The following TOPBP1 variants were observed in gnomAD, a reference collection of about 807,000 sequenced individuals.
The protein encoded by TOPBP1 is DNA topoisomerase II binding protein 1.
TOPBP1 carries 28 observed loss-of-function variants against 167.7 expected under a neutral mutation model. That is an observed-to-expected ratio of 0.17 (90% CI 0.12 to 0.23). The LOEUF is 0.23. Among genes scored for constraint, TOPBP1 ranks in the 10% least tolerant of loss-of-function variants. TOPBP1 has a pLI of 1.00. For missense variants in TOPBP1, 1,554 were observed against 1,809.6 expected (o/e 0.86, Z 2.56); for synonymous variants, 598 against 611.4 (o/e 0.98, Z 0.32).
chr3:133,608,340 C>T (rs561414897), intron 27 of TOPBP1, among the ~76,000 whole-genome samples, 195 bp downstream of exon 27: 1 of 152,102 alleles, frequency 6.6e-6, no homozygotes, highest in East Asian at 1.9e-4. Context: ...AACTTCCAAG[C>T]TAAATGTTTA....
intron 27 of TOPBP1, among the ~76,000 whole-genome samples, chr3:133,602,887 T>A (rs1411133408): frequency 1.3e-5 from 2 of 149,878 alleles, no homozygotes; most frequent in Non-Finnish European, 3.0e-5. Flanking sequence ...GATCTACCTT[T>A]TTTCATTTTT....
rs763969565 is a variant in TOPBP1 at position 133,649,537 on chromosome 3, C to T, written c.1350G>A (p.Val450=). Residue 450 remains valine (V), a synonymous_variant, in exon 10 of 28, where the codon GTG becomes GTA. Transcript: ENST00000260810. The part of the protein sequence containing the change: ...EPYIHANYQP[V]EIPVSHKPES... ...CAGGCTTATGTGAAACTGGAATTTCCACTGGCTGGTAATTAGCATGGATAT... is the reference window on the plus strand; with the variant it reads ...CAGGCTTATGTGAAACTGGAATTTCTACTGGCTGGTAATTAGCATGGATAT... 1.2e-5 allele frequency: 20 copies of T among 1,613,768 alleles called. No homozygotes were observed. Among genetic ancestry groups the T allele is most frequent in the Non-Finnish European group, 1.6e-5 (19 of 1,179,862 alleles).
intron 27 of TOPBP1, among the ~76,000 whole-genome samples, chr3:133,607,365 C>A (rs992850232): frequency 6.6e-6 from 1 of 151,738 alleles, no homozygotes; most frequent in Admixed American, 6.6e-5. Context: ...ACCAAGATGA[C>A]AAACAGCTAC....
At chr3:133,631,920 G>A (rs961546589) in intron 14 of TOPBP1, among the ~76,000 whole-genome samples, 3 of 151,958 alleles carry the variant, frequency 2.0e-5, no homozygotes, top group African/African-American at 4.8e-5. Context: ...TTACAGGCGT[G>A]AGCCACTGCG....
intron 21 of TOPBP1, 174 bp downstream of exon 21, chr3:133,618,039 C>T: frequency 1.7e-6 from 1 of 592,990 alleles, no homozygotes; most frequent in Non-Finnish European, 2.9e-6. Context: ...TGATGAAGTA[C>T]CTCAATTTAC....
chr3:133,623,055 A>C (rs1935146672), intron 19 of TOPBP1, 36 bp downstream of exon 19: 1 of 1,372,508 alleles, frequency 7.3e-7, no homozygotes, highest in Non-Finnish European at 9.7e-7. Context: ...CTTGTCTCAA[A>C]AAAAATTTTT....
intron 7 of TOPBP1, among the ~76,000 whole-genome samples, chr3:133,652,915 T>G (rs1936352301): frequency 6.6e-6 from 1 of 152,188 alleles, no homozygotes; most frequent in Non-Finnish European, 1.5e-5. Context: ...AAGCTTACAT[T>G]TGAAAAAATA....
intron 27 of TOPBP1, among the ~76,000 whole-genome samples, chr3:133,602,726 T>C (rs531723433): frequency 5.9e-5 from 9 of 152,242 alleles, no homozygotes; most frequent in African/African-American, 1.9e-4. Flanking sequence ...AAAGCAGCCA[T>C]AGAAAATACA....
intron 8 of TOPBP1, 132 bp downstream of exon 8, chr3:133,652,331 C>T: frequency 1.2e-6 from 1 of 853,534 alleles, no homozygotes; most frequent in Non-Finnish European, 1.8e-6. Context: ...CTAGTAAGTG[C>T]ATCTACTTAG....
At chr3:133,643,053 G>T in intron 12 of TOPBP1, 147 bp downstream of exon 12, 1 of 646,350 alleles carries the variant, frequency 1.5e-6, no homozygotes, top group Non-Finnish European at 2.3e-6. Context: ...CTAGTCAAGT[G>T]AAGCAGTGGG....
chr3:133,616,996 G>C, intron 22 of TOPBP1, 71 bp from the exon 23 acceptor site: 1 of 1,246,980 alleles, frequency 8.0e-7, no homozygotes, highest in Non-Finnish European at 1.1e-6. Flanking sequence ...TTTTATAGTG[G>C]TATTTTACTC....
intron 14 of TOPBP1, among the ~76,000 whole-genome samples, chr3:133,631,330 G>C (rs1272430176): frequency 6.6e-6 from 1 of 152,122 alleles, no homozygotes; most frequent in Admixed American, 6.5e-5. Flanking sequence ...CCTATTTGTG[G>C]AGTATAATCT....
chr3:133,617,218 G>A lies in TOPBP1; in HGVS notation c.3701C>T (p.Ala1234Val). 6.2e-7 allele frequency: 1 copy of A among 1,613,854 alleles called. No individual in the cohort carries two copies. Among genetic ancestry groups the A allele is most frequent in the Non-Finnish European group, 8.5e-7 (1 of 1,179,830 alleles). The part of the protein sequence containing the change: ...KDSHLIPTPQ[A>V]PSIAFPLANP... ...GGCGAGTGGAAAGGCAATACTGGGGGCTTGAGGCGTAGGGATCAGGTGGCT... is the reference window on the plus strand; with the variant it reads ...GGCGAGTGGAAAGGCAATACTGGGGACTTGAGGCGTAGGGATCAGGTGGCT... Residue 1234 changes from alanine to valine, a missense_variant, in exon 22 of 28, where the codon GCC (alanine) becomes GTC (valine). By Grantham distance (64) the Ala-to-Val change is moderately conservative. This residue lies in a region of TOPBP1 where 351 missense variants were observed against 432.9 expected (regional missense o/e 0.81). Coordinates refer to ENST00000260810, the MANE Select transcript of TOPBP1 (RefSeq NM_007027.4).
At chr3:133,612,295 C>T in intron 24 of TOPBP1, 94 bp downstream of exon 24, 2 of 1,470,592 alleles carry the variant, frequency 1.4e-6, no homozygotes, top group Non-Finnish European at 9.3e-7. Context: ...CCACCTCGGC[C>T]TCCCAAAGTG....
chr3:133,611,195 C>G (rs1447448761), intron 24 of TOPBP1, 54 bp from the exon 25 acceptor site: 31 of 1,564,664 alleles, frequency 2.0e-5, no homozygotes, highest in Non-Finnish European at 1.8e-5. Context: ...AGCCACTGTG[C>G]AACATACAGG....
chr3:133,660,508 T>C (rs990143545), intron 2 of TOPBP1, among the ~76,000 whole-genome samples: 4 of 152,206 alleles, frequency 2.6e-5, no homozygotes, highest in African/African-American at 9.7e-5. Context: ...TTCTCAAACT[T>C]TAATGCACAC....
At chr3:133,613,705 T>A (rs1197337313) in intron 23 of TOPBP1, among the ~76,000 whole-genome samples, 4 of 152,128 alleles carry the variant, frequency 2.6e-5, no homozygotes, top group Non-Finnish European at 4.4e-5. Flanking sequence ...AAACATAAGC[T>A]TATGTAAAGC....
At chr3:133,659,999 C>A (rs1936628582) in intron 2 of TOPBP1, among the ~76,000 whole-genome samples, 1 of 152,122 alleles carries the variant, frequency 6.6e-6, no homozygotes, top group African/African-American at 2.4e-5. Flanking sequence ...CCCTACATGA[C>A]CTCTTTACCA....
At chr3:133,631,363 C>T (rs1453869950) in intron 14 of TOPBP1, among the ~76,000 whole-genome samples, 4 of 152,184 alleles carry the variant, frequency 2.6e-5, no homozygotes, top group African/African-American at 9.7e-5. Flanking sequence ...TGATTATTCA[C>T]GTGACACCAC....
Sources: allele counts gnomAD v4.1 joint callset (sites outside exome capture counted in the v4.1 genomes callset), GRCh38; gene constraint gnomAD v4.1.1; regional missense constraint gnomAD v4.1.1; transcripts MANE v1.5; gene names NCBI Gene and HGNC (gene_info 2026-07-23, HGNC 2026-07-21).